The following PCDH9 variants were observed in gnomAD, a reference collection of about 807,000 sequenced individuals.
PCDH9 encodes the protein protocadherin-9.
Under a neutral mutation model 70.6 loss-of-function variants are expected in PCDH9, and 24 were observed. The observed-to-expected ratio is 0.34, with a 90% CI of 0.25 to 0.48. The LOEUF (loss-of-function observed/expected upper bound fraction) is 0.48, where lower values mean the gene tolerates loss of function less well. Among genes scored for constraint, PCDH9 ranks in the 20% least tolerant of loss-of-function variants. The pLI, the probability that PCDH9 is intolerant of heterozygous loss-of-function variation, is 0.99. For missense variants in PCDH9, 1,281 were observed against 1,503.6 expected (o/e 0.85, Z 2.45); for synonymous variants, 562 against 558.5 (o/e 1.01, Z -0.09).
At chr13:67,110,057 G>A (rs1283804721) in intron 2 of PCDH9, among the ~76,000 whole-genome samples, 1 of 152,070 alleles carries the variant, frequency 6.6e-6, no homozygotes, top group Non-Finnish European at 1.5e-5. Flanking sequence ...CGGAGGCTTT[G>A]CACATGCAAA....
rs2080330058 is a variant in PCDH9, at chr13:66,801,753, T to G, written c.3138+101751A>C. The stretch of plus-strand genomic sequence containing the variant: ...ATTAATCTATGTACGTTCTTCAAAT[T>G]GCAGAAAGGTTAAGATATATTATTA... On this transcript the variant is annotated intron_variant, in intron 3 of 4. Coordinates refer to ENST00000377865, the MANE Select transcript of PCDH9 (RefSeq NM_203487.3). Among the ~76,000 whole-genome samples the G allele has an allele frequency of 2.0e-5, 3 of 152,108 alleles. No homozygotes were observed. In the South Asian group the frequency reaches 6.2e-4, roughly 31 times the overall value.
In PCDH9 at chr13:66,897,241, AG is replaced by A. The variant is rs200737692; in HGVS notation, c.3138+6262del. Among the ~76,000 whole-genome samples, 1,204 of 151,704 alleles carry A rather than the reference AG, an allele frequency of 7.9e-3. 14 individuals carry two copies. The highest frequency in any genetic ancestry group is 0.028 in the African/African-American group (1,151 of 41,464). On this transcript the variant is annotated intron_variant, in intron 3 of 4. Coordinates refer to ENST00000377865, the MANE Select transcript of PCDH9 (RefSeq NM_203487.3). ...AGAAGGGAGGGAGGGAAGAAAGGAAAGGAGGGAGGGAAGAAAGGAAGAGAGG... is the reference window on the plus strand; with the variant it reads ...AGAAGGGAGGGAGGGAAGAAAGGAAAGAGGGAGGGAAGAAAGGAAGAGAGG...
At chr13:66,443,768 G>A (rs1958019182) in intron 4 of PCDH9, among the ~76,000 whole-genome samples, 1 of 152,034 alleles carries the variant, frequency 6.6e-6, no homozygotes, top group Non-Finnish European at 1.5e-5. Flanking sequence ...TAAGTAATTT[G>A]AAAAATCCTT....
At chr13:66,869,173 C>G (rs2081627911) in intron 3 of PCDH9, among the ~76,000 whole-genome samples, 1 of 152,118 alleles carries the variant, frequency 6.6e-6, no homozygotes, top group Admixed American at 6.5e-5. Context: ...TTCCTGGCCC[C>G]TCGCTAAAGA....
intron 2 of PCDH9, among the ~76,000 whole-genome samples, chr13:66,966,076 T>C (rs2083430473): frequency 6.6e-6 from 1 of 152,112 alleles, no homozygotes; most frequent in Admixed American, 6.6e-5. Context: ...TAAAAAAATA[T>C]GTATCATATA....
At chr13:66,353,213 C>T (rs1288819515) in intron 4 of PCDH9, among the ~76,000 whole-genome samples, 1 of 152,070 alleles carries the variant, frequency 6.6e-6, no homozygotes, top group Non-Finnish European at 1.5e-5. Context: ...TGGTAGAAAG[C>T]AAGTGGTCCT....
intron 4 of PCDH9, among the ~76,000 whole-genome samples, chr13:66,348,469 CTCACTGCAACTTCCACTTCCGGGAT>C (rs1020944324): frequency 1.3e-5 from 2 of 151,672 alleles, no homozygotes; most frequent in Non-Finnish European, 2.9e-5. Flanking sequence ...GCGATCTCAG[CTCACTGCAACTTCCACTTCCGGGAT>C]TCAAGCGATT....
At chr13:66,809,422 T>C (rs1036620911) in intron 3 of PCDH9, among the ~76,000 whole-genome samples, 1 of 152,194 alleles carries the variant, frequency 6.6e-6, no homozygotes, top group Non-Finnish European at 1.5e-5. Flanking sequence ...GAATCCATTT[T>C]TTTAAAAGTC....
chr13:66,558,105 T>A (rs947178990), intron 4 of PCDH9, among the ~76,000 whole-genome samples: 6 of 152,130 alleles, frequency 3.9e-5, no homozygotes, highest in African/African-American at 1.4e-4. Context: ...CAGTGAGCTA[T>A]GATTGCACCA....
chr13:66,887,034 AACACACACACACACACACACACACAC>A (rs9317623), intron 3 of PCDH9, among the ~76,000 whole-genome samples: 1 of 143,874 alleles, frequency 7.0e-6, no homozygotes, highest in East Asian at 2.1e-4. Context: ...CAAATATAAT[AACACACACACACACACACACACACAC>A]ACACACACAC....
At chr13:66,350,535 T>A (rs1956278541) in intron 4 of PCDH9, among the ~76,000 whole-genome samples, 1 of 152,134 alleles carries the variant, frequency 6.6e-6, no homozygotes, top group Admixed American at 6.6e-5. Flanking sequence ...AGAGCTAGTC[T>A]CATCTAGTCT....
At chr13:66,370,948 A>G (rs1956640498) in intron 4 of PCDH9, among the ~76,000 whole-genome samples, 1 of 152,090 alleles carries the variant, frequency 6.6e-6, no homozygotes, top group Non-Finnish European at 1.5e-5. Flanking sequence ...TATTTTTTAA[A>G]CATCTCATCA....
intron 4 of PCDH9, among the ~76,000 whole-genome samples, chr13:66,445,744 A>G (rs2138414812): frequency 6.8e-6 from 1 of 146,156 alleles, no homozygotes; most frequent in East Asian, 2.0e-4. Flanking sequence ...TATATTATAT[A>G]TACACATATA....
chr13:67,183,674 A>G (rs1200247467), intron 2 of PCDH9, among the ~76,000 whole-genome samples: 1 of 152,180 alleles, frequency 6.6e-6, no homozygotes, highest in East Asian at 1.9e-4. Flanking sequence ...AGCAATGTTG[A>G]TATTTTTTAC....
At chr13:66,923,951 C>A (rs981014151) in intron 2 of PCDH9, among the ~76,000 whole-genome samples, 1 of 151,622 alleles carries the variant, frequency 6.6e-6, no homozygotes, top group Admixed American at 6.6e-5. Flanking sequence ...GTTTAAAAAC[C>A]GTTTAAAGAT....
chr13:66,933,662 G>A (rs1469192201), intron 2 of PCDH9, among the ~76,000 whole-genome samples: 1 of 152,098 alleles, frequency 6.6e-6, no homozygotes, highest in Non-Finnish European at 1.5e-5. Context: ...AAGACAAAAT[G>A]TTCAGTTCTC....
At chr13:66,604,551 C>T (rs1351221217) in intron 4 of PCDH9, among the ~76,000 whole-genome samples, 1 of 151,952 alleles carries the variant, frequency 6.6e-6, no homozygotes, top group African/African-American at 2.4e-5. Context: ...ATTAGCATAT[C>T]TTTCCTTTGT....
At chr13:66,667,642 T>A (rs983951254) in intron 3 of PCDH9, among the ~76,000 whole-genome samples, 1 of 152,176 alleles carries the variant, frequency 6.6e-6, no homozygotes, top group Non-Finnish European at 1.5e-5. Context: ...AGGCTCTGTC[T>A]ACACATAAAA....
intron 3 of PCDH9, among the ~76,000 whole-genome samples, chr13:66,886,980 T>C (rs2082014188): frequency 6.6e-6 from 1 of 151,752 alleles, no homozygotes; most frequent in South Asian, 2.1e-4. Context: ...TTTTAACCTT[T>C]CTCTATTCTA....
Sources: allele counts gnomAD v4.1 joint callset (sites outside exome capture counted in the v4.1 genomes callset), GRCh38; gene constraint gnomAD v4.1.1; transcripts MANE v1.5; gene names NCBI Gene and HGNC (gene_info 2026-07-23, HGNC 2026-07-21).